The following ANKRD44 variants were observed in gnomAD, a reference collection of about 807,000 sequenced individuals.
ANKRD44 encodes serine/threonine-protein phosphatase 6 regulatory ankyrin repeat subunit B.
A neutral mutation model predicts 116.0 loss-of-function variants in ANKRD44; 35 were observed. The observed-to-expected ratio is 0.30, with a 90% CI of 0.23 to 0.40. The LOEUF (loss-of-function observed/expected upper bound fraction) is 0.40, where lower values mean the gene tolerates loss of function less well. Ranked by LOEUF, ANKRD44 falls within the 10% of genes least tolerant of loss-of-function variation. The pLI is 1.00. For missense variants in ANKRD44, 1,014 were observed against 1,242.6 expected, an observed-to-expected ratio of 0.82 and a Z score of 2.77; for synonymous variants, 435 against 461.8, an observed-to-expected ratio of 0.94 and a Z score of 0.74.
At chr2:197,129,579 A>C (rs1364960028) in intron 4 of ANKRD44, among the ~76,000 whole-genome samples, 2 of 152,200 alleles carry the variant, frequency 1.3e-5, no homozygotes, top group East Asian at 1.9e-4. Context: ...TATAAGATGC[A>C]GAAATAATAG....
intron 16 of ANKRD44, among the ~76,000 whole-genome samples, chr2:197,067,914 A>T (rs1259613012): frequency 3.3e-5 from 5 of 151,026 alleles, no homozygotes; most frequent in Non-Finnish European, 7.4e-5. Context: ...ATGCACACGT[A>T]TGTTTATTGT....
chr2:197,114,641 T>C (rs1354543382), intron 8 of ANKRD44, among the ~76,000 whole-genome samples: 2 of 152,342 alleles, frequency 1.3e-5, no homozygotes, highest in South Asian at 4.1e-4. Flanking sequence ...ACAGACATTG[T>C]TGTTCCCCAG....
intron 14 of ANKRD44, 100 bp from the exon 15 acceptor site, chr2:197,081,825 C>A: frequency 1.1e-6 from 1 of 934,634 alleles, no homozygotes. Flanking sequence ...TGATTTTTAC[C>A]CCAACCCAAA....
At chr2:197,061,369 C>T (rs1254682858) in intron 16 of ANKRD44, among the ~76,000 whole-genome samples, 2 of 152,182 alleles carry the variant, frequency 1.3e-5, no homozygotes, top group African/African-American at 4.8e-5. Flanking sequence ...GACCCCATAC[C>T]CGGGCAGTGA....
chr2:197,288,159 C>T (rs1243248377), intron 1 of ANKRD44, among the ~76,000 whole-genome samples: 2 of 152,004 alleles, frequency 1.3e-5, no homozygotes, highest in African/African-American at 4.8e-5. Context: ...AATTAGCTTT[C>T]AAATACCATG....
intron 8 of ANKRD44, among the ~76,000 whole-genome samples, chr2:197,112,297 A>G (rs1011335682): frequency 2.6e-5 from 4 of 152,234 alleles, no homozygotes; most frequent in African/African-American, 9.6e-5. Flanking sequence ...AAATGCCTGT[A>G]TTTTAAAATG....
In ANKRD44 at chr2:197,110,673, A is replaced by G. The variant is rs1482354387; in HGVS notation, c.985+93T>C. ...ATTGCATGCTTACTAAAACTCCAAA[A>G]CAGGGCATCGACTTTCATATGCAGG... On this transcript the variant is annotated intron_variant, in intron 9 of 27. Coordinates refer to ENST00000282272, the MANE Select transcript of ANKRD44 (RefSeq NM_001195144.2). 6 of 1,031,792 alleles carry G rather than the reference A, an allele frequency of 5.8e-6. No individual in the cohort carries two copies. In the African/African-American group the frequency reaches 9.5e-5, roughly 16 times the overall value. 63.9% of individuals were successfully genotyped at this position (1,031,792 alleles called of 1,614,324 possible). A position where few individuals can be genotyped will look rare whatever the true frequency, so the allele number is the denominator to read the frequency against.
At chr2:197,098,189 T>C (rs1392458358) in intron 10 of ANKRD44, among the ~76,000 whole-genome samples, 2 of 152,220 alleles carry the variant, frequency 1.3e-5, no homozygotes, top group Admixed American at 6.5e-5. Flanking sequence ...TTAACAAATT[T>C]CACAATACTC....
At chr2:197,018,367 G>T (rs1210511362) in intron 17 of ANKRD44, among the ~76,000 whole-genome samples, 1 of 152,014 alleles carries the variant, frequency 6.6e-6, no homozygotes, top group Non-Finnish European at 1.5e-5. Flanking sequence ...AGCTGCACCA[G>T]CCTCCCTCTA....
In ANKRD44 at chr2:197,081,745, G is replaced by A. The variant is rs749658598; in HGVS notation, c.1458-20C>T. On this transcript the variant is annotated intron_variant, in intron 14 of 27. Coordinates refer to ENST00000282272, the MANE Select transcript of ANKRD44 (RefSeq NM_001195144.2). ...GTCTTACTTCTCAGCATAAAGGATA[G>A]AAAAAAAAATTGCAATTAATTTTTT... 1.5e-5 allele frequency: 23 copies of A among 1,574,606 alleles called. No individual in the cohort carries two copies. The African/African-American group carries it at 2.5e-4, about 17-fold the overall frequency.
intron 1 of ANKRD44, among the ~76,000 whole-genome samples, chr2:197,260,290 G>T (rs184849820): frequency 0.028 from 4,223 of 152,064 alleles, 97 homozygotes; most frequent in Non-Finnish European, 0.039. Context: ...GTGTCCATGT[G>T]TTCTCATTGT....
chr2:197,051,205 C>T (rs1411698266), intron 16 of ANKRD44, among the ~76,000 whole-genome samples: 1 of 152,044 alleles, frequency 6.6e-6, no homozygotes, highest in Admixed American at 6.6e-5. Flanking sequence ...AAGGGATCTG[C>T]CTGCCTTGGC....
At chr2:197,166,432 A>G (rs958381866) in intron 2 of ANKRD44, among the ~76,000 whole-genome samples, 2 of 152,222 alleles carry the variant, frequency 1.3e-5, no homozygotes, top group East Asian at 1.9e-4. Flanking sequence ...TCCCTGTTCT[A>G]TAAGCACTTA....
chr2:197,159,582 A>C (rs1285082333), intron 2 of ANKRD44, among the ~76,000 whole-genome samples: 2 of 152,276 alleles, frequency 1.3e-5, no homozygotes, highest in Admixed American at 6.5e-5. Flanking sequence ...AAAGACTTCA[A>C]TACCTTGTAG....
intron 1 of ANKRD44, among the ~76,000 whole-genome samples, chr2:197,190,544 CCAAAAA>C (rs1276748676): frequency 6.6e-6 from 1 of 151,946 alleles, no homozygotes; most frequent in African/African-American, 2.4e-5. Flanking sequence ...CTCCACACTC[CCAAAAA>C]CATTCCCAGA....
chr2:197,150,705 G>C (rs1451314937), intron 2 of ANKRD44, among the ~76,000 whole-genome samples: 1 of 152,070 alleles, frequency 6.6e-6, no homozygotes, highest in Non-Finnish European at 1.5e-5. Context: ...AAATAGAAAG[G>C]GGTCAGAAAT....
intron 21 of ANKRD44, among the ~76,000 whole-genome samples, chr2:196,971,393 C>T (rs1020951008): frequency 6.6e-6 from 1 of 151,978 alleles, no homozygotes; most frequent in African/African-American, 2.4e-5. Flanking sequence ...GTCTCAGTCT[C>T]TCACCCAGGC....
chr2:197,016,959 G>A (rs1174527294), intron 17 of ANKRD44, among the ~76,000 whole-genome samples: 2 of 151,958 alleles, frequency 1.3e-5, no homozygotes, highest in East Asian at 3.9e-4. Flanking sequence ...GGCATGAAAA[G>A]GCAACTCACA....
intron 15 of ANKRD44, 76 bp downstream of exon 15, chr2:197,081,569 A>G: frequency 1.5e-6 from 2 of 1,321,018 alleles, no homozygotes; most frequent in Non-Finnish European, 1.1e-6. Context: ...ATAGTAAGGC[A>G]GGCAACGTGG....
Sources: allele counts gnomAD v4.1 joint callset (sites outside exome capture counted in the v4.1 genomes callset), GRCh38; gene constraint gnomAD v4.1.1; transcripts MANE v1.5; gene names NCBI Gene and HGNC (gene_info 2026-07-23, HGNC 2026-07-21).